SELENOF: variants seen among roughly 807,000 people sequenced by gnomAD.
SELENOF encodes the protein selenoprotein F.
SELENOF carries 16 observed loss-of-function variants against 20.5 expected under a neutral mutation model. That is an observed-to-expected ratio of 0.78 (90% CI 0.53 to 1.19). The LOEUF is 1.19. Ranked by LOEUF, SELENOF falls within the 50% of genes most tolerant of loss-of-function variation. The probability of loss-of-function intolerance (pLI) is 0.00; values close to 1 mark genes in which losing one functional copy is unlikely to be tolerated. For missense variants in SELENOF, 215 were observed against 194.2 expected (o/e 1.11, Z -0.64); for synonymous variants, 78 against 74.5 (o/e 1.05, Z -0.24).
intron 3 of SELENOF, among the ~76,000 whole-genome samples, chr1:86,871,974 T>C (rs1658781402): frequency 6.6e-6 from 1 of 152,074 alleles, no homozygotes; most frequent in Non-Finnish European, 1.5e-5. Context: ...TAAAAGATTC[T>C]GGAGGAGGGC....
Position 86,895,673 on chromosome 1 carries a change from C to T in SELENOF, c.252+7608G>A, listed in dbSNP as rs193235037. ...TTCTTTGTTTTTAATCAAAACTGAA[C>T]AATAAATTAGGCTGAAATAATTTGT... On this transcript the variant is annotated intron_variant, in intron 2 of 4. Transcript: ENST00000331835. 4.5e-4 allele frequency among the ~76,000 whole-genome samples: 68 copies of T among 152,190 alleles called. 1 individual carries two copies. In the East Asian group the frequency reaches 7.5e-3, roughly 17 times the overall value.
chr1:86,898,801 T>C (rs1051076122), intron 2 of SELENOF, among the ~76,000 whole-genome samples: 1 of 151,980 alleles, frequency 6.6e-6, no homozygotes, highest in African/African-American at 2.4e-5. Flanking sequence ...CATTTTTATT[T>C]TTATTGATCA....
chr1:86,899,542 G>A (rs563273962), intron 2 of SELENOF, among the ~76,000 whole-genome samples: 1 of 149,454 alleles, frequency 6.7e-6, no homozygotes, highest in African/African-American at 2.5e-5. Flanking sequence ...CGGGCGGGGG[G>A]CTGACCCCCC....
intron 2 of SELENOF, among the ~76,000 whole-genome samples, chr1:86,892,927 A>G (rs1338018963): frequency 6.6e-6 from 1 of 152,224 alleles, no homozygotes; most frequent in Non-Finnish European, 1.5e-5. Flanking sequence ...AGTGTTTTAT[A>G]TTGAACTCAT....
chr1:86,902,683 G>A (rs1659732051), intron 2 of SELENOF, among the ~76,000 whole-genome samples: 1 of 152,118 alleles, frequency 6.6e-6, no homozygotes, highest in South Asian at 2.1e-4. Flanking sequence ...ATATTTAAAA[G>A]ATGAGCAAGT....
chr1:86,892,301 T>C (rs1305056356), intron 2 of SELENOF, among the ~76,000 whole-genome samples: 1 of 152,218 alleles, frequency 6.6e-6, no homozygotes, highest in African/African-American at 2.4e-5. Flanking sequence ...GAATGTGAAC[T>C]GTTGCCAAAC....
chr1:86,863,438 A>C lies in SELENOF; in HGVS notation c.*36T>G. The C allele has an allele frequency of 6.4e-7, 1 of 1,562,252 alleles. No homozygotes were observed. The highest frequency in any genetic ancestry group is 1.8e-5 in the Admixed American group (1 of 54,686). ...AGGTGCTGTAATATTTCATTTGATA[A>C]GGTAACAAAAGGATAGGACAAAATT... On this transcript the variant is annotated 3_prime_UTR_variant, in exon 5 of 5. Coordinates refer to ENST00000331835, the MANE Select transcript of SELENOF (RefSeq NM_004261.5).
chr1:86,873,044 AAAATAAATAAAT>A (rs71582985), intron 3 of SELENOF, among the ~76,000 whole-genome samples: 11,949 of 141,656 alleles, frequency 0.084, 678 homozygotes, highest in East Asian at 0.27. Flanking sequence ...GACTCCGTCT[AAAATAAATAAAT>A]AAATAAATAA....
At chr1:86,886,680 T>C (rs934857815) in intron 2 of SELENOF, among the ~76,000 whole-genome samples, 2 of 152,130 alleles carry the variant, frequency 1.3e-5, no homozygotes, top group African/African-American at 4.8e-5. Context: ...TAATTATAAA[T>C]GCTATGTAGC....
intron 3 of SELENOF, among the ~76,000 whole-genome samples, chr1:86,870,133 C>T (rs1658720854): frequency 6.6e-6 from 1 of 152,140 alleles, no homozygotes; most frequent in Non-Finnish European, 1.5e-5. Flanking sequence ...AGTTATTGAT[C>T]ATTTGCATAA....
At chr1:86,894,296 A>C (rs1000600024) in intron 2 of SELENOF, among the ~76,000 whole-genome samples, 1 of 151,982 alleles carries the variant, frequency 6.6e-6, no homozygotes, top group African/African-American at 2.4e-5. Flanking sequence ...TAGTAGAAAA[A>C]TTTGAAATAA....
chr1:86,886,936 C>T (rs986507217), intron 2 of SELENOF, among the ~76,000 whole-genome samples: 2 of 152,122 alleles, frequency 1.3e-5, no homozygotes, highest in African/African-American at 2.4e-5. Flanking sequence ...TTTCCAAACA[C>T]TAATAATATC....
intron 3 of SELENOF, among the ~76,000 whole-genome samples, chr1:86,872,544 T>A (rs1008681433): frequency 2.0e-5 from 3 of 151,962 alleles, no homozygotes; most frequent in Non-Finnish European, 1.5e-5. Context: ...AATGTTTTTT[T>A]TTTTTTTTGT....
At chr1:86,889,208 A>G (rs1172498569) in intron 2 of SELENOF, among the ~76,000 whole-genome samples, 1 of 152,210 alleles carries the variant, frequency 6.6e-6, no homozygotes. Flanking sequence ...ACTATTTTAG[A>G]ATTCATTATG....
chr1:86,905,361 T>C (rs1659801758), intron 1 of SELENOF, among the ~76,000 whole-genome samples: 1 of 152,210 alleles, frequency 6.6e-6, no homozygotes, highest in Non-Finnish European at 1.5e-5. Flanking sequence ...ACACTTTTGC[T>C]CACAGTCTCC....
chr1:86,873,299 G>A (rs890766359), intron 3 of SELENOF, among the ~76,000 whole-genome samples: 1 of 151,948 alleles, frequency 6.6e-6, no homozygotes, highest in Non-Finnish European at 1.5e-5. Flanking sequence ...TTTCCTTTCT[G>A]ACCTTGGTAA....
intron 2 of SELENOF, among the ~76,000 whole-genome samples, chr1:86,890,984 G>GT (rs901399421): frequency 6.6e-6 from 1 of 150,462 alleles, no homozygotes; most frequent in African/African-American, 2.4e-5. Flanking sequence ...TAGATATTAT[G>GT]TTTTCGTCCA....
chr1:86,864,608 A>C (rs1658545467), intron 4 of SELENOF, among the ~76,000 whole-genome samples: 1 of 151,856 alleles, frequency 6.6e-6, no homozygotes, highest in Non-Finnish European at 1.5e-5. Context: ...ATCAATAATA[A>C]CATTACTACT....
intron 3 of SELENOF, among the ~76,000 whole-genome samples, chr1:86,871,345 TAAAG>T (rs900420487): frequency 3.9e-5 from 6 of 152,140 alleles, no homozygotes; most frequent in African/African-American, 1.4e-4. Flanking sequence ...GTTAGAGTCA[TAAAG>T]AAACAAGAAA....
Sources: gnomAD v4.1 joint callset for allele counts (sites outside exome capture counted in the v4.1 genomes callset) on GRCh38, gnomAD v4.1.1 for gene constraint, MANE v1.5 for transcripts, NCBI Gene and HGNC (gene_info 2026-07-23, HGNC 2026-07-21) for gene names.